The following CADM2 variants were observed in gnomAD, a reference collection of about 807,000 sequenced individuals.
CADM2 encodes cell adhesion molecule 2.
CADM2 carries 12 observed loss-of-function variants against 49.8 expected under a neutral mutation model. The ratio of observed to expected loss-of-function variants is 0.24; its 90% CI spans 0.15 to 0.39. CADM2 has a LOEUF of 0.39. CADM2 is among the 10% of genes least tolerant of loss of function. CADM2 has a pLI of 1.00. For missense variants in CADM2, 378 were observed against 492.3 expected, an observed-to-expected ratio of 0.77 and a Z score of 2.20; for synonymous variants, 214 against 175.4, an observed-to-expected ratio of 1.22 and a Z score of -1.74.
chr3:85,340,820 A>G (rs539521094), intron 1 of CADM2, among the ~76,000 whole-genome samples: 11 of 151,808 alleles, frequency 7.2e-5, no homozygotes, highest in African/African-American at 2.4e-4. Context: ...TGATGAATTT[A>G]TGATATCTCT....
chr3:85,655,702 A>G (rs1294928263), intron 1 of CADM2, among the ~76,000 whole-genome samples: 1 of 152,170 alleles, frequency 6.6e-6, no homozygotes, highest in African/African-American at 2.4e-5. Context: ...AGAATCAGAA[A>G]TTCAAACCCA....
intron 1 of CADM2, among the ~76,000 whole-genome samples, chr3:85,469,977 G>A (rs1393012769): frequency 6.6e-6 from 1 of 152,156 alleles, no homozygotes; most frequent in Non-Finnish European, 1.5e-5. Flanking sequence ...GGAAGGGGAG[G>A]TGATGCTGGA....
chr3:85,071,259 G>C (rs2036732649), intron 1 of CADM2, among the ~76,000 whole-genome samples: 1 of 151,396 alleles, frequency 6.6e-6, no homozygotes, highest in Non-Finnish European at 1.5e-5. Context: ...GAGAGGGAGA[G>C]GTAGGAAGGA....
At chr3:86,047,025 C>T (rs1490382551) in intron 8 of CADM2, among the ~76,000 whole-genome samples, 2 of 151,728 alleles carry the variant, frequency 1.3e-5, no homozygotes, top group African/African-American at 2.4e-5. Flanking sequence ...TATCTAGTAT[C>T]GTAATTTGCA....
At chr3:85,293,872 C>T (rs2043874630) in intron 1 of CADM2, among the ~76,000 whole-genome samples, 1 of 151,114 alleles carries the variant, frequency 6.6e-6, no homozygotes. Flanking sequence ...CCTTTGAAAA[C>T]TGGCACAAGA....
At chr3:85,937,251 A>T (rs906296723) in intron 7 of CADM2, among the ~76,000 whole-genome samples, 7 of 151,868 alleles carry the variant, frequency 4.6e-5, no homozygotes, top group African/African-American at 1.7e-4. Context: ...ATAATCTTGG[A>T]TGTGTAATAA....
intron 5 of CADM2, among the ~76,000 whole-genome samples, chr3:85,897,554 C>G (rs937219078): frequency 2.0e-5 from 3 of 152,050 alleles, no homozygotes; most frequent in African/African-American, 7.2e-5. Context: ...CAGGCGTGAG[C>G]CACCGCGCCC....
chr3:85,370,604 A>C (rs1406309568), intron 1 of CADM2, among the ~76,000 whole-genome samples: 4 of 152,186 alleles, frequency 2.6e-5, no homozygotes, highest in Non-Finnish European at 4.4e-5. Context: ...ACAATTATGT[A>C]CAGTGCATAG....
intron 1 of CADM2, among the ~76,000 whole-genome samples, chr3:85,388,132 G>A (rs113851218): frequency 0.039 from 5,893 of 152,178 alleles, 384 homozygotes; most frequent in African/African-American, 0.13. Flanking sequence ...GGGCTCGAGC[G>A]ATACTCCCGC....
At chr3:86,050,580 A>G (rs537879247) in intron 8 of CADM2, among the ~76,000 whole-genome samples, 78 of 152,302 alleles carry the variant, frequency 5.1e-4, no homozygotes, top group African/African-American at 1.8e-3. Flanking sequence ...CCACTGAAGC[A>G]GGCTTCTGCC....
chr3:85,383,170 T>C (rs1278393605), intron 1 of CADM2, among the ~76,000 whole-genome samples: 2 of 152,144 alleles, frequency 1.3e-5, no homozygotes, highest in African/African-American at 4.8e-5. Flanking sequence ...CTTCTGTATG[T>C]CACTTTCCTT....
chr3:85,551,783 T>A (rs1409581221), intron 1 of CADM2, among the ~76,000 whole-genome samples: 1 of 152,136 alleles, frequency 6.6e-6, no homozygotes, highest in Non-Finnish European at 1.5e-5. Context: ...CAAAAACATT[T>A]CCTACTGGGT....
At chr3:85,994,807 A>G (rs763009724) in intron 8 of CADM2, 1 of 152,132 alleles carries the variant, frequency 6.6e-6, no homozygotes, top group Non-Finnish European at 1.5e-5. Context: ...CTATATGAGC[A>G]TGGTTTGTGG....
rs992603094 is a variant in CADM2 at position 85,889,435 on chromosome 3, A to C, written c.529+3108A>C. On this transcript the variant is annotated intron_variant, in intron 5 of 9. Coordinates refer to ENST00000383699, the MANE Select transcript of CADM2 (RefSeq NM_001167675.2). The stretch of plus-strand genomic sequence containing the variant: ...TTCTGGTGGAGCAGGCCCACGGGGG[A>C]GCCTGAAAATGTGCGTGTTTGCCAT... 1.3e-5 allele frequency among the ~76,000 whole-genome samples: 2 copies of C among 152,098 alleles called. 1 individual carries two copies. The highest frequency in any genetic ancestry group is 4.1e-4 in the South Asian group (2 of 4,832).
At chr3:85,948,760 T>C (rs1394751667) in intron 7 of CADM2, among the ~76,000 whole-genome samples, 3 of 151,098 alleles carry the variant, frequency 2.0e-5, no homozygotes, top group Non-Finnish European at 4.4e-5. Flanking sequence ...ACAATGCCAG[T>C]GTTTAAAAGT....
intron 1 of CADM2, among the ~76,000 whole-genome samples, chr3:85,182,900 A>C (rs997922183): frequency 2.0e-5 from 3 of 152,132 alleles, no homozygotes; most frequent in Non-Finnish European, 4.4e-5. Flanking sequence ...TGCAAGTATT[A>C]CGTTGCTCTT....
chr3:86,030,305 A>T (rs1329514159), intron 8 of CADM2, among the ~76,000 whole-genome samples: 2 of 152,024 alleles, frequency 1.3e-5, no homozygotes, highest in African/African-American at 4.8e-5. Flanking sequence ...TTTTTATGTT[A>T]TAAAGAAAGA....
chr3:85,310,220 C>A (rs764043628), intron 1 of CADM2, among the ~76,000 whole-genome samples: 3 of 152,082 alleles, frequency 2.0e-5, no homozygotes, highest in African/African-American at 4.8e-5. Flanking sequence ...TCACAATAGA[C>A]AATATTTGCA....
chr3:85,301,593 T>C (rs770545343), intron 1 of CADM2, among the ~76,000 whole-genome samples: 4 of 151,976 alleles, frequency 2.6e-5, no homozygotes, highest in Non-Finnish European at 5.9e-5. Context: ...TATTTAGAAG[T>C]GGGTGGGGGG....
Sources: allele counts gnomAD v4.1 joint callset (sites outside exome capture counted in the v4.1 genomes callset), GRCh38; gene constraint gnomAD v4.1.1; transcripts MANE v1.5; gene names NCBI Gene and HGNC (gene_info 2026-07-23, HGNC 2026-07-21).